Variants in CYLC2 observed in about 807,000 individuals in gnomAD.
The protein encoded by CYLC2 is cylicin 2, also known as cylicin-2.
CYLC2 carries 30 observed loss-of-function variants against 26.1 expected under a neutral mutation model. That is an observed-to-expected ratio of 1.15 (90% CI 0.86 to 1.56). The LOEUF (loss-of-function observed/expected upper bound fraction) is 1.56, where lower values mean the gene tolerates loss of function less well. Among genes scored for constraint, CYLC2 ranks in the 40% most tolerant of loss-of-function variants. The pLI, the probability that CYLC2 is intolerant of heterozygous loss-of-function variation, is 0.00. For missense variants in CYLC2, 498 were observed against 394.4 expected, an observed-to-expected ratio of 1.26 and a Z score of -2.23; for synonymous variants, 158 against 132.8, an observed-to-expected ratio of 1.19 and a Z score of -1.31.
intron 5 of CYLC2, among the ~76,000 whole-genome samples, chr9:103,006,734 C>T (rs1003279689): frequency 3.9e-5 from 6 of 151,952 alleles, no homozygotes; most frequent in Non-Finnish European, 7.4e-5. Flanking sequence ...TATTTTAAGC[C>T]AGATTGAATT....
At chr9:103,013,085 C>T (rs1454434346) in intron 6 of CYLC2, among the ~76,000 whole-genome samples, 1 of 139,094 alleles carries the variant, frequency 7.2e-6, no homozygotes, top group East Asian at 2.0e-4. Flanking sequence ...AAATATGTAT[C>T]ATAAATAATA....
At chr9:102,997,432 CAG>C (rs1829249226) in intron 1 of CYLC2, among the ~76,000 whole-genome samples, 1 of 151,864 alleles carries the variant, frequency 6.6e-6, no homozygotes, top group East Asian at 1.9e-4. Flanking sequence ...TAGAGAAAGA[CAG>C]AGAATCTTAC....
chr9:102,998,643 G>A (rs930410417), intron 1 of CYLC2, among the ~76,000 whole-genome samples: 2 of 151,878 alleles, frequency 1.3e-5, no homozygotes, highest in African/African-American at 4.8e-5. Flanking sequence ...TCCTATAAAT[G>A]ATTCTTACTA....
intron 5 of CYLC2, among the ~76,000 whole-genome samples, chr9:103,007,701 C>T (rs943081840): frequency 6.6e-6 from 1 of 152,074 alleles, no homozygotes; most frequent in Non-Finnish European, 1.5e-5. Flanking sequence ...CTTAAATAAA[C>T]TCAGTGTTGC....
chr9:103,003,295 T>A, intron 3 of CYLC2, 32 bp downstream of exon 3: 1 of 1,547,414 alleles, frequency 6.5e-7, no homozygotes, highest in Admixed American at 1.7e-5. Context: ...TAATTATCAG[T>A]AATAAGTAAT....
intron 6 of CYLC2, among the ~76,000 whole-genome samples, chr9:103,014,488 T>C (rs565313278): frequency 3.4e-4 from 47 of 140,070 alleles, no homozygotes; most frequent in African/African-American, 7.3e-4. Flanking sequence ...ATGTATATTA[T>C]GCAATATACA....
chr9:103,016,032 T>A (rs1455436370), intron 6 of CYLC2, among the ~76,000 whole-genome samples: 6 of 151,316 alleles, frequency 4.0e-5, no homozygotes, highest in Non-Finnish European at 7.4e-5. Context: ...TGGATTTTGA[T>A]AGATAATTGG....
chr9:103,002,070 G>A (rs1170131158), intron 2 of CYLC2, among the ~76,000 whole-genome samples: 1 of 152,002 alleles, frequency 6.6e-6, no homozygotes, highest in Non-Finnish European at 1.5e-5. Flanking sequence ...CAGATACTGA[G>A]CCTAAATATA....
intron 1 of CYLC2, among the ~76,000 whole-genome samples, chr9:102,996,380 T>A (rs10115462): frequency 6.6e-6 from 1 of 151,866 alleles, no homozygotes; most frequent in Non-Finnish European, 1.5e-5. Flanking sequence ...ATTGTTATCA[T>A]GAGCATCAAA....
chr9:103,013,335 T>C (rs1348020404), intron 6 of CYLC2, among the ~76,000 whole-genome samples: 1 of 85,146 alleles, frequency 1.2e-5, no homozygotes, highest in Non-Finnish European at 2.1e-5. Flanking sequence ...ATATATTTAA[T>C]ATATTATATA....
chr9:103,008,394 T>C (rs1277467040), intron 5 of CYLC2, among the ~76,000 whole-genome samples: 1 of 152,152 alleles, frequency 6.6e-6, no homozygotes, highest in East Asian at 1.9e-4. Flanking sequence ...ATGAAAAAAA[T>C]GGCTTTACAT....
In CYLC2 at chr9:102,999,898, T is replaced by C. The variant is rs576331660; in HGVS notation, c.18-1680T>C. ...AAGAAATTATGTGTCTATAATAATG[T>C]GGGATATTCATCTGTAATATGCATT... On this transcript the variant is annotated intron_variant, in intron 1 of 7. Transcript: ENST00000374798. 4.6e-5 allele frequency among the ~76,000 whole-genome samples: 7 copies of C among 151,920 alleles called. No individual in the cohort carries two copies. The East Asian group carries it at 1.4e-3, about 29-fold the overall frequency.
In CYLC2 at chr9:103,005,392, G is replaced by A. The variant is rs748027942; in HGVS notation, c.761G>A (p.Gly254Asp). The change falls in exon 5 of 8, where the codon GGT becomes GAT. Residue 254 changes from glycine to aspartate, a missense_variant. Transcript: ENST00000374798. ...GATGGAAAAAAAGATGCAAACAAAG[G>A]TGATGAATCGAAGGATGCCAAGAAA... ...DEDGKKDANK[G>D]DESKDAKKDA... The A allele has an allele frequency of 1.2e-5, 19 of 1,613,752 alleles. No individual in the cohort carries two copies. The highest frequency in any genetic ancestry group is 3.3e-5 in the Admixed American group (2 of 59,980).
chr9:102,997,029 A>G (rs1452174687), intron 1 of CYLC2, among the ~76,000 whole-genome samples: 1 of 151,830 alleles, frequency 6.6e-6, no homozygotes, highest in Non-Finnish European at 1.5e-5. Flanking sequence ...TAGCTTCCCA[A>G]TCTCGTATCT....
chr9:103,002,095 A>C (rs1479749367), intron 2 of CYLC2, among the ~76,000 whole-genome samples: 1 of 151,858 alleles, frequency 6.6e-6, no homozygotes, highest in African/African-American at 2.4e-5. Flanking sequence ...TTTTCTGTAC[A>C]TTTTTCCCAT....
In CYLC2 at chr9:103,001,541, A is replaced by G. The variant is rs757496517; in HGVS notation, c.18-37A>G. On this transcript the variant is annotated intron_variant, in intron 1 of 7. Coordinates refer to ENST00000374798, the MANE Select transcript of CYLC2 (RefSeq NM_001340.5). ...GACAGTTTAAAACAGTGATTTTTAT[A>G]TAAATTAACTAAAACCTTTCTTTTT... 4.6e-6 allele frequency: 6 copies of G among 1,298,400 alleles called. No homozygotes were observed. In the South Asian group the frequency reaches 5.0e-5, roughly 11 times the overall value. The allele number at this position is 1,298,400 out of a possible 1,614,324, so 80.4% of individuals were successfully genotyped here.
chr9:103,002,357 CTTTTTTTTTTTTTTT>C, intron 2 of CYLC2, among the ~76,000 whole-genome samples: 1 of 77,642 alleles, frequency 1.3e-5, no homozygotes, highest in South Asian at 5.4e-4. Context: ...CATTTGCCCC[CTTTTTTTTTTTTTTT>C]TTTTTTTTTT....
intron 6 of CYLC2, among the ~76,000 whole-genome samples, chr9:103,013,827 T>C (rs1286592699): frequency 2.7e-5 from 3 of 112,122 alleles, no homozygotes; most frequent in African/African-American, 3.7e-5. Flanking sequence ...ATAATATGTA[T>C]ATAATATATA....
intron 6 of CYLC2, among the ~76,000 whole-genome samples, chr9:103,014,511 T>G (rs1829467945): frequency 7.4e-6 from 1 of 135,442 alleles, no homozygotes; most frequent in African/African-American, 2.6e-5. Context: ...ATATATGTAA[T>G]ATACATAATA....
Sources: allele counts gnomAD v4.1 joint callset (sites outside exome capture counted in the v4.1 genomes callset), GRCh38; gene constraint gnomAD v4.1.1; transcripts MANE v1.5; gene names NCBI Gene and HGNC (gene_info 2026-07-23, HGNC 2026-07-21).